CTNNA2: variants seen among roughly 807,000 people sequenced by gnomAD.
CTNNA2 encodes catenin alpha 2, also known as catenin alpha-2.
A neutral mutation model predicts 101.0 loss-of-function variants in CTNNA2; 42 were observed. That is an observed-to-expected ratio of 0.42 (90% CI 0.32 to 0.54). The LOEUF (loss-of-function observed/expected upper bound fraction) is 0.54. Among genes scored for constraint, CTNNA2 ranks in the 20% least tolerant of loss-of-function variants. The probability of loss-of-function intolerance (pLI) is 0.14; values close to 1 mark genes in which losing one functional copy is unlikely to be tolerated. For missense variants in CTNNA2, 871 were observed against 1,223.1 expected, an observed-to-expected ratio of 0.71 and a Z score of 4.29; for synonymous variants, 450 against 456.4, an observed-to-expected ratio of 0.99 and a Z score of 0.18.
chr2:79,255,076 A>G (rs1432508381), intron 2 of CTNNA2, among the ~76,000 whole-genome samples: 2 of 152,216 alleles, frequency 1.3e-5, no homozygotes, highest in Non-Finnish European at 2.9e-5. Flanking sequence ...AAGTGATTTA[A>G]TGTGTAACCG....
intron 7 of CTNNA2, among the ~76,000 whole-genome samples, chr2:80,242,164 G>A (rs1479316724): frequency 2.6e-5 from 4 of 152,166 alleles, no homozygotes; most frequent in Non-Finnish European, 4.4e-5. Flanking sequence ...AGATTTTATG[G>A]TGGAAATCTC....
intron 2 of CTNNA2, among the ~76,000 whole-genome samples, chr2:79,289,973 G>A (rs1675751061): frequency 6.6e-6 from 1 of 152,078 alleles, no homozygotes; most frequent in Non-Finnish European, 1.5e-5. Flanking sequence ...CTGTGATATA[G>A]GGAGATGTCA....
chr2:79,360,996 G>A (rs1573119293), intron 3 of CTNNA2, among the ~76,000 whole-genome samples: 2 of 152,230 alleles, frequency 1.3e-5, no homozygotes, highest in South Asian at 4.2e-4. Context: ...ACTCAAGAAG[G>A]TGGGAGGTCA....
In CTNNA2 at chr2:79,663,771, A is replaced by G. The variant is rs139988810; in HGVS notation, c.102+12113A>G. Among the ~76,000 whole-genome samples, 137 of 152,322 alleles carry G rather than the reference A, an allele frequency of 9.0e-4. 1 individual carries two copies. The highest frequency in any genetic ancestry group is 3.0e-3 in the African/African-American group (126 of 41,570). On this transcript the variant is annotated intron_variant, in intron 2 of 18. Transcript: ENST00000402739. ...ATTTTCTCTGACTCCTCCAATAAGC[A>G]GGAAGTCTCATGTAGATAGAAATGA...
At chr2:80,036,198 G>A (rs1296720376) in intron 7 of CTNNA2, among the ~76,000 whole-genome samples, 2 of 152,180 alleles carry the variant, frequency 1.3e-5, no homozygotes, top group Non-Finnish European at 1.5e-5. Flanking sequence ...GGGATAGAGG[G>A]AGGTGAAATT....
At chr2:79,303,912 A>T (rs1052926497) in intron 2 of CTNNA2, among the ~76,000 whole-genome samples, 3 of 152,082 alleles carry the variant, frequency 2.0e-5, no homozygotes, top group Non-Finnish European at 4.4e-5. Flanking sequence ...CATGGATCAA[A>T]GTCTTCACTG....
chr2:79,634,101 G>A (rs553587822), intron 1 of CTNNA2, among the ~76,000 whole-genome samples: 1 of 152,300 alleles, frequency 6.6e-6, no homozygotes, highest in South Asian at 2.1e-4. Context: ...GATGAAGCAG[G>A]TGATTTATCA....
chr2:79,237,689 T>C (rs2104249475), intron 2 of CTNNA2, among the ~76,000 whole-genome samples: 1 of 152,352 alleles, frequency 6.6e-6, no homozygotes, highest in East Asian at 1.9e-4. Flanking sequence ...CACTTCTACA[T>C]CAGTACTTGT....
intron 7 of CTNNA2, among the ~76,000 whole-genome samples, chr2:80,384,060 C>T (rs972032706): frequency 1.3e-5 from 2 of 152,124 alleles, no homozygotes; most frequent in Non-Finnish European, 2.9e-5. Context: ...CAAACTAATA[C>T]AGGAACAGAC....
intron 4 of CTNNA2, among the ~76,000 whole-genome samples, chr2:79,863,112 G>C (rs1681750369): frequency 1.3e-5 from 2 of 151,004 alleles, no homozygotes; most frequent in Non-Finnish European, 2.9e-5. Flanking sequence ...GCACAAAAGA[G>C]GAAATTCTCT....
intron 7 of CTNNA2, among the ~76,000 whole-genome samples, chr2:80,181,265 T>C (rs560852479): frequency 6.6e-6 from 1 of 152,222 alleles, no homozygotes; most frequent in East Asian, 1.9e-4. Flanking sequence ...GATTAATCTC[T>C]GACAAAGGTG....
chr2:79,788,818 T>C (rs1341315757), intron 3 of CTNNA2, among the ~76,000 whole-genome samples: 1 of 152,170 alleles, frequency 6.6e-6, no homozygotes, highest in Non-Finnish European at 1.5e-5. Context: ...CTCAAGCTCA[T>C]TTTATAATTT....
intron 4 of CTNNA2, among the ~76,000 whole-genome samples, chr2:79,415,889 T>C (rs1031789793): frequency 6.6e-6 from 1 of 152,182 alleles, no homozygotes; most frequent in South Asian, 2.1e-4. Flanking sequence ...GGGGAAGTTA[T>C]ATTTGTTATT....
At chr2:79,658,357 G>T (rs2104512680) in intron 2 of CTNNA2, among the ~76,000 whole-genome samples, 1 of 152,000 alleles carries the variant, frequency 6.6e-6, no homozygotes, top group African/African-American at 2.4e-5. Context: ...GGTTTAAAGG[G>T]ACTAGAAATG....
intron 1 of CTNNA2, among the ~76,000 whole-genome samples, chr2:79,631,442 G>A (rs1460271063): frequency 1.3e-5 from 2 of 152,188 alleles, no homozygotes; most frequent in Non-Finnish European, 2.9e-5. Flanking sequence ...GCGTCTCCCA[G>A]ATAGCAGTAC....
chr2:80,433,464 G>A (rs921142430), intron 9 of CTNNA2, among the ~76,000 whole-genome samples: 4 of 152,012 alleles, frequency 2.6e-5, no homozygotes, highest in Non-Finnish European at 4.4e-5. Context: ...CAGAGGACAC[G>A]GGGAATACAG....
intron 8 of CTNNA2, among the ~76,000 whole-genome samples, chr2:80,404,815 A>T (rs1235516949): frequency 1.3e-5 from 2 of 152,176 alleles, no homozygotes; most frequent in East Asian, 3.9e-4. Context: ...ATTATTGGGT[A>T]ATTTTACTTG....
chr2:80,304,964 T>A, intron 7 of CTNNA2: 11 of 427,378 alleles, frequency 2.6e-5, no homozygotes, highest in East Asian at 1.7e-4. Context: ...AGGGGTAGCA[T>A]CATCCACGAC....
At chr2:80,088,268 C>G (rs1488587474) in intron 7 of CTNNA2, among the ~76,000 whole-genome samples, 1 of 151,968 alleles carries the variant, frequency 6.6e-6, no homozygotes, top group Non-Finnish European at 1.5e-5. Flanking sequence ...ATGTGTTTTA[C>G]TGAAATCATC....
Sources: gnomAD v4.1 joint callset for allele counts (sites outside exome capture counted in the v4.1 genomes callset) on GRCh38, gnomAD v4.1.1 for gene constraint, MANE v1.5 for transcripts, NCBI Gene and HGNC (gene_info 2026-07-23, HGNC 2026-07-21) for gene names.